Variants in KIAA1328 observed in about 807,000 individuals in gnomAD.
The protein encoded by KIAA1328 is KIAA1328.
A neutral mutation model predicts 68.1 loss-of-function variants in KIAA1328; 52 were observed. The ratio of observed to expected loss-of-function variants is 0.76; its 90% CI spans 0.61 to 0.96. The LOEUF is 0.96. Among genes scored for constraint, KIAA1328 ranks in the 40% least tolerant of loss-of-function variants. The probability of loss-of-function intolerance (pLI) is 0.00; values close to 1 mark genes in which losing one functional copy is unlikely to be tolerated. For synonymous variants in KIAA1328, 232 were observed against 239.4 expected, an observed-to-expected ratio of 0.97 and a Z score of 0.28; for missense variants, 641 against 677.6, an observed-to-expected ratio of 0.95 and a Z score of 0.60.
intron 7 of KIAA1328, among the ~76,000 whole-genome samples, chr18:37,158,024 T>C (rs2059193265): frequency 6.6e-6 from 1 of 151,860 alleles, no homozygotes; most frequent in East Asian, 1.9e-4. Flanking sequence ...TCCTTTTTTT[T>C]TCTTTCTTTC....
chr18:37,194,247 A>G (rs534149064), intron 9 of KIAA1328, among the ~76,000 whole-genome samples: 2 of 152,286 alleles, frequency 1.3e-5, no homozygotes, highest in South Asian at 2.1e-4. Context: ...GAAAGTGTCT[A>G]TTTTCTGACA....
chr18:37,080,850 C>T (rs2056925586), intron 7 of KIAA1328, among the ~76,000 whole-genome samples: 1 of 151,518 alleles, frequency 6.6e-6, no homozygotes, highest in Non-Finnish European at 1.5e-5. Context: ...AGTCGTAGTT[C>T]TGCCATTTCA....
At chr18:37,199,118 A>G (rs910181102) in intron 9 of KIAA1328, among the ~76,000 whole-genome samples, 1 of 152,208 alleles carries the variant, frequency 6.6e-6, no homozygotes, top group Non-Finnish European at 1.5e-5. Context: ...GTTCAAGGGT[A>G]CATATGCAGG....
chr18:36,995,452 A>G (rs542069547), intron 6 of KIAA1328, among the ~76,000 whole-genome samples: 4 of 151,832 alleles, frequency 2.6e-5, no homozygotes, highest in Non-Finnish European at 4.4e-5. Context: ...CTAACATTCA[A>G]AGTTTTGTTG....
chr18:37,099,548 T>C (rs914902141), intron 7 of KIAA1328, among the ~76,000 whole-genome samples: 8 of 152,206 alleles, frequency 5.3e-5, no homozygotes, highest in Admixed American at 5.2e-4. Flanking sequence ...GAATGTATAT[T>C]CTGTTGATTT....
intron 7 of KIAA1328, among the ~76,000 whole-genome samples, chr18:37,105,045 G>A (rs1053036866): frequency 1.3e-5 from 2 of 151,824 alleles, no homozygotes; most frequent in South Asian, 2.1e-4. Context: ...TAACCTTTTC[G>A]CCTAAAGAAT....
chr18:37,181,679 T>C (rs2059701087), intron 9 of KIAA1328, among the ~76,000 whole-genome samples: 1 of 152,196 alleles, frequency 6.6e-6, no homozygotes, highest in South Asian at 2.1e-4. Flanking sequence ...ATAGAAAGAA[T>C]ATATTGTACT....
chr18:37,152,634 A>G (rs1278497114), intron 7 of KIAA1328, among the ~76,000 whole-genome samples: 2 of 152,176 alleles, frequency 1.3e-5, no homozygotes, highest in Non-Finnish European at 2.9e-5. Flanking sequence ...GCGCGTTGGC[A>G]GAAGCAGCCC....
chr18:37,116,321 C>G (rs1397719385), intron 7 of KIAA1328, among the ~76,000 whole-genome samples: 2 of 152,094 alleles, frequency 1.3e-5, no homozygotes, highest in Admixed American at 1.3e-4. Context: ...AGATACAGAC[C>G]AATGGAACAG....
chr18:36,999,326 C>T (rs1354060834), intron 6 of KIAA1328, among the ~76,000 whole-genome samples: 2 of 152,070 alleles, frequency 1.3e-5, no homozygotes, highest in Non-Finnish European at 2.9e-5. Context: ...AAGAGCAAAG[C>T]AGAAAAGGAT....
chr18:36,905,397 C>A (rs1303007831), intron 5 of KIAA1328, among the ~76,000 whole-genome samples: 2 of 151,982 alleles, frequency 1.3e-5, no homozygotes, highest in African/African-American at 4.8e-5. Flanking sequence ...CAGGCGTGAC[C>A]CACCATGCCT....
intron 6 of KIAA1328, among the ~76,000 whole-genome samples, chr18:37,013,179 G>T (rs1033684392): frequency 2.0e-5 from 3 of 152,040 alleles, no homozygotes; most frequent in Non-Finnish European, 4.4e-5. Flanking sequence ...GACAGGATAG[G>T]GTAGCAAGGC....
chr18:37,185,587 T>C (rs2059780183), intron 9 of KIAA1328, among the ~76,000 whole-genome samples: 1 of 152,152 alleles, frequency 6.6e-6, no homozygotes, highest in African/African-American at 2.4e-5. Context: ...TCAGCAAGAC[T>C]ACTTATAATG....
At chr18:36,902,058 A>T (rs1032431260) in intron 5 of KIAA1328, 1 of 151,992 alleles carries the variant, frequency 6.6e-6, no homozygotes, top group Admixed American at 6.6e-5. Context: ...CTGAACTATC[A>T]TGTTGGAAAC....
intron 4 of KIAA1328, among the ~76,000 whole-genome samples, chr18:36,866,624 T>G (rs186869870): frequency 4.6e-5 from 7 of 152,304 alleles, no homozygotes; most frequent in Admixed American, 2.0e-4. Flanking sequence ...ACCCTCTGCT[T>G]CTTTTGTCTT....
rs565846415 is a variant in KIAA1328 at position 37,082,929 on chromosome 18, A to T, written c.1232+15384A>T. On this transcript the variant is annotated intron_variant, in intron 7 of 9. Transcript: ENST00000280020. ...GTCTCCCACTCTAACAATATGCCTT[A>T]ATACATGTACTCTCTACCTAACTGT... 1.4e-4 allele frequency among the ~76,000 whole-genome samples: 22 copies of T among 152,332 alleles called. 1 individual carries two copies. The South Asian group carries it at 4.1e-3, about 29-fold the overall frequency.
chr18:37,090,389 A>T (rs2057234662), intron 7 of KIAA1328, among the ~76,000 whole-genome samples: 1 of 152,144 alleles, frequency 6.6e-6, no homozygotes, highest in South Asian at 2.1e-4. Flanking sequence ...ACCATTCTTG[A>T]TTGTATTTTC....
intron 7 of KIAA1328, among the ~76,000 whole-genome samples, chr18:37,122,366 G>A (rs1407870734): frequency 6.6e-6 from 1 of 152,018 alleles, no homozygotes; most frequent in Non-Finnish European, 1.5e-5. Context: ...AATGACAACA[G>A]GACTTAACCA....
At chr18:37,201,084 C>T (rs1303009544) in intron 9 of KIAA1328, among the ~76,000 whole-genome samples, 1 of 152,150 alleles carries the variant, frequency 6.6e-6, no homozygotes, top group African/African-American at 2.4e-5. Flanking sequence ...GGGATGACAT[C>T]ACAGTGTGGC....
Sources: allele counts gnomAD v4.1 joint callset (sites outside exome capture counted in the v4.1 genomes callset), GRCh38; gene constraint gnomAD v4.1.1; transcripts MANE v1.5; gene names NCBI Gene and HGNC (gene_info 2026-07-23, HGNC 2026-07-21).